The following ALLC variants were observed in gnomAD, a reference collection of about 807,000 sequenced individuals.
ALLC encodes the protein allantoicase.
Under a neutral mutation model 45.0 loss-of-function variants are expected in ALLC, and 40 were observed. That is an observed-to-expected ratio of 0.89 (90% CI 0.69 to 1.16). ALLC has a LOEUF of 1.16. Among genes scored for constraint, ALLC ranks in the 50% most tolerant of loss-of-function variants. ALLC has a pLI of 0.00. For synonymous variants in ALLC, 176 were observed against 178.1 expected (o/e 0.99, Z 0.09); for missense variants, 488 against 493.1 (o/e 0.99, Z 0.10).
chr2:3,653,722 T>A (rs1305773699), upstream of ALLC, among the ~76,000 whole-genome samples: 2 of 151,968 alleles, frequency 1.3e-5, no homozygotes, highest in Non-Finnish European at 2.9e-5. This position sits in a 1 kb window ranked among gnomAD's most constrained non-coding sequence, Gnocchi z 4.1. Context: ...CTCGTTTCCC[T>A]CATCCCGTGG....
intron 3 of ALLC, among the ~76,000 whole-genome samples, chr2:3,676,796 C>CTT (rs199816637): frequency 2.7e-5 from 4 of 150,684 alleles, no homozygotes; most frequent in African/African-American, 9.8e-5. Flanking sequence ...CTCTCTCTCT[C>CTT]TTTTTTTTTG....
chr2:3,651,554 G>A, the ALLC span, among the ~76,000 whole-genome samples: 2 of 151,888 alleles, frequency 1.3e-5, no homozygotes, highest in African/African-American at 4.8e-5. Context: ...CTCCGCGTGA[G>A]TTCTCATCCT....
At chr2:3,650,938 T>C in the ALLC span, among the ~76,000 whole-genome samples, 1 of 152,222 alleles carries the variant, frequency 6.6e-6, no homozygotes, top group African/African-American at 2.4e-5. Flanking sequence ...ACCATTACCC[T>C]GATTTTATTC....
rs1372164238 is a variant in ALLC, at chr2:3,672,545, T to TCCTCTGGCTCTAGTTAGATCGGAGGC, written c.33+1362_33+1363insCTCTAGTTAGATCGGAGGCCCTCTGG. Among the ~76,000 whole-genome samples, 62 of 96,544 alleles carry TCCTCTGGCTCTAGTTAGATCGGAGGC rather than the reference T, an allele frequency of 6.4e-4. 3 individuals are homozygous for TCCTCTGGCTCTAGTTAGATCGGAGGC. Among genetic ancestry groups the TCCTCTGGCTCTAGTTAGATCGGAGGC allele is most frequent in the African/African-American group, 2.9e-3 (60 of 20,834 alleles). 63.3% of individuals were successfully genotyped at this position (96,544 alleles called of 152,430 possible). A position where few individuals can be genotyped will look rare whatever the true frequency, so the allele number is the denominator to read the frequency against. On this transcript the variant is annotated intron_variant, in intron 2 of 11. Coordinates refer to ENST00000252505, the MANE Select transcript of ALLC (RefSeq NM_018436.4). ...CCTCTGGGTCTGGTTAGATAGGAGG[T>TCCTCTGGCTCTAGTTAGATCGGAGGC]CCTCTGGTTCTGGTTAGATGGGAGG...
In ALLC at chr2:3,702,362, G is replaced by T. The variant is rs376024490; in HGVS notation, c.976-1G>T. 1 of 1,612,790 alleles carries T rather than the reference G, an allele frequency of 6.2e-7. No individual in the cohort carries two copies. The highest frequency in any genetic ancestry group is 1.1e-5 in the South Asian group (1 of 90,882). ...GACCTCTGCATCTGCTTGCTTTTCA[G>T]TTGTCTCCCAACCAAAGTCATCTGT... On this transcript the variant is annotated splice_acceptor_variant, in intron 11 of 11. Coordinates refer to ENST00000252505, the MANE Select transcript of ALLC (RefSeq NM_018436.4). LOFTEE classifies it high-confidence loss of function.
chr2:3,689,697 G>A (rs1343529176), intron 7 of ALLC, among the ~76,000 whole-genome samples: 1 of 150,608 alleles, frequency 6.6e-6, no homozygotes, highest in Non-Finnish European at 1.5e-5. Flanking sequence ...TGGGTAAAAT[G>A]TTCTGTAATG....
chr2:3,674,689 G>C (rs1666977075), intron 3 of ALLC, among the ~76,000 whole-genome samples: 1 of 152,198 alleles, frequency 6.6e-6, no homozygotes, highest in South Asian at 2.1e-4. Context: ...GGTTACCCTG[G>C]TGAAATGGTT....
At chr2:3,664,839 G>A (rs940386797) in intron 1 of ALLC, among the ~76,000 whole-genome samples, 4 of 151,012 alleles carry the variant, frequency 2.6e-5, no homozygotes, top group African/African-American at 4.9e-5. Flanking sequence ...AGCTATGATC[G>A]TGCCACTGCA....
At chr2:3,664,820 G>A (rs550206057) in intron 1 of ALLC, among the ~76,000 whole-genome samples, 130 of 151,558 alleles carry the variant, frequency 8.6e-4, no homozygotes, top group African/African-American at 3.1e-3. Flanking sequence ...AGAGTTTGAG[G>A]CTGCAGTGAG....
At chr2:3,693,859 G>A (rs995024782) in intron 7 of ALLC, among the ~76,000 whole-genome samples, 7 of 152,152 alleles carry the variant, frequency 4.6e-5, no homozygotes, top group Non-Finnish European at 5.9e-5. Context: ...GTGGTGGCGG[G>A]TGCCTGTAAT....
At chr2:3,651,406 T>A in the ALLC span, among the ~76,000 whole-genome samples, 2 of 41,666 alleles carry the variant, frequency 4.8e-5, no homozygotes, top group African/African-American at 1.5e-4. Context: ...TGTGTGTGTG[T>A]GTGTGTGTGT....
chr2:3,670,498 G>A (rs1203448771), intron 1 of ALLC, among the ~76,000 whole-genome samples: 1 of 152,118 alleles, frequency 6.6e-6, no homozygotes, highest in Non-Finnish European at 1.5e-5. Context: ...GGGTGCTGGG[G>A]AGTTGGGCTA....
intron 1 of ALLC, among the ~76,000 whole-genome samples, chr2:3,659,295 A>T (rs1439785166): frequency 1.3e-5 from 2 of 152,176 alleles, no homozygotes; most frequent in Non-Finnish European, 2.9e-5. Flanking sequence ...ATCTCAAAAG[A>T]AAAAATAGTG....
intron 7 of ALLC, among the ~76,000 whole-genome samples, chr2:3,684,997 C>T (rs11123612): frequency 0.27 from 40,394 of 152,078 alleles, 6,000 homozygotes; most frequent in Middle Eastern, 0.4. Flanking sequence ...TTGGCTGTGA[C>T]ATTGTAAACA....
intron 7 of ALLC, among the ~76,000 whole-genome samples, chr2:3,686,602 C>T (rs922329306): frequency 2.7e-5 from 4 of 150,510 alleles, no homozygotes; most frequent in African/African-American, 9.7e-5. Context: ...TTTCTGTGTC[C>T]TCTTCAATAT....
chr2:3,687,021 A>G (rs1312870030), intron 7 of ALLC, among the ~76,000 whole-genome samples: 1 of 151,034 alleles, frequency 6.6e-6, no homozygotes, highest in African/African-American at 2.4e-5. Context: ...CGGATCTTAG[A>G]GAAAAGGCTT....
the ALLC span, among the ~76,000 whole-genome samples, chr2:3,651,297 T>TGGGGGGGGGG: frequency 5.8e-4 from 1 of 1,712 alleles, no homozygotes; most frequent in African/African-American, 1.4e-3. Flanking sequence ...GAATTCTTTT[T>TGGGGGGGGGG]GGGTGGGTGG....
upstream of ALLC, among the ~76,000 whole-genome samples, chr2:3,653,284 T>A (rs1405360997): frequency 6.6e-6 from 1 of 152,232 alleles, no homozygotes; most frequent in Non-Finnish European, 1.5e-5. The surrounding 1 kb of genome is among the most constrained non-coding windows in gnomAD (Gnocchi z 4.1). Context: ...GCTGTGGAGT[T>A]CCATTGCACA....
chr2:3,666,272 G>C (rs1666722823), intron 1 of ALLC, among the ~76,000 whole-genome samples: 1 of 152,250 alleles, frequency 6.6e-6, no homozygotes, highest in South Asian at 2.1e-4. Flanking sequence ...GCTTGCTGGA[G>C]CTGATGGGGA....
Sources: gnomAD v4.1 joint callset for allele counts (sites outside exome capture counted in the v4.1 genomes callset) on GRCh38, gnomAD v4.1.1 for gene constraint, Gnocchi (gnomAD v3.1) non-coding constraint, MANE v1.5 for transcripts, NCBI Gene and HGNC (gene_info 2026-07-23, HGNC 2026-07-21) for gene names.